The following IL1RAP variants were observed in gnomAD, a reference collection of about 807,000 sequenced individuals.
IL1RAP encodes the protein interleukin-1 receptor accessory protein.
A neutral mutation model predicts 60.7 loss-of-function variants in IL1RAP; 35 were observed. The ratio of observed to expected loss-of-function variants is 0.58; its 90% confidence interval spans 0.44 to 0.76. The LOEUF is 0.76. Ranked by LOEUF, IL1RAP falls within the 30% of genes least tolerant of loss-of-function variation. IL1RAP has a pLI of 0.00. For synonymous variants in IL1RAP, 268 were observed against 250.9 expected (o/e 1.07, Z -0.64); for missense variants, 572 against 693.9 (o/e 0.82, Z 1.97).
intron 3 of IL1RAP, among the ~76,000 whole-genome samples, chr3:190,566,096 C>T (rs569119969): frequency 1.5e-4 from 23 of 151,998 alleles, no homozygotes; most frequent in Admixed American, 2.6e-4. Flanking sequence ...CTTCCTCCTT[C>T]CCTCCCTCTG....
chr3:190,549,580 C>T (rs932882642), intron 1 of IL1RAP, among the ~76,000 whole-genome samples: 3 of 152,110 alleles, frequency 2.0e-5, no homozygotes, highest in Non-Finnish European at 2.9e-5. Flanking sequence ...TGAAACAAGT[C>T]GGGGGTGAGG....
chr3:190,635,215 C>A (rs1455134098), intron 9 of IL1RAP, among the ~76,000 whole-genome samples: 1 of 151,984 alleles, frequency 6.6e-6, no homozygotes, highest in African/African-American at 2.4e-5. Flanking sequence ...TAGTGATGTT[C>A]CACTGTCACT....
chr3:190,553,061 A>G (rs1725004598), intron 1 of IL1RAP, among the ~76,000 whole-genome samples: 1 of 152,220 alleles, frequency 6.6e-6, no homozygotes, highest in South Asian at 2.1e-4. Flanking sequence ...AAAGCAAAAA[A>G]GTCATACAGA....
At chr3:190,655,428 C>A (rs552375117), downstream of IL1RAP, among the ~76,000 whole-genome samples, 163 of 152,198 alleles carry the variant, frequency 1.1e-3, no homozygotes, top group Non-Finnish European at 1.9e-3. Context: ...TTTAAAGACT[C>A]AAGATCTGAC....
intron 3 of IL1RAP, among the ~76,000 whole-genome samples, chr3:190,586,107 G>A (rs1728431902): frequency 6.6e-6 from 1 of 152,176 alleles, no homozygotes; most frequent in African/African-American, 2.4e-5. Flanking sequence ...CTTCTGTGAA[G>A]GCACCGATGA....
intron 9 of IL1RAP, among the ~76,000 whole-genome samples, chr3:190,641,771 G>A (rs1733679966): frequency 6.6e-6 from 1 of 152,102 alleles, no homozygotes; most frequent in African/African-American, 2.4e-5. Flanking sequence ...CAAAATAACT[G>A]AGCAAATAAT....
rs1318724829 is a variant in IL1RAP at position 190,648,565 on chromosome 3, A to C, written c.1573A>C (p.Lys525Gln). Residue 525 changes from lysine to glutamine, a missense_variant, in exon 12 of 12, where the codon AAA (lysine) becomes CAA (glutamine). Physicochemically the swap from Lys to Gln is moderately conservative, Grantham distance 53. Transcript: ENST00000447382. The stretch of plus-strand genomic sequence containing the variant: ...GGCTAAGACGGTGCTCACGGTCATT[A>C]AATGGAAAGGGGAAAAATCCAAGTA... ...KRAKTVLTVI[K>Q]WKGEKSKYPQ... is the part of the protein sequence containing the mutation. 6.2e-7 allele frequency: 1 copy of C among 1,614,200 alleles called. No individual in the cohort carries two copies. The highest frequency in any genetic ancestry group is 1.1e-5 in the South Asian group (1 of 91,090).
intron 4 of IL1RAP, 147 bp downstream of exon 4, chr3:190,604,560 G>A: frequency 1.2e-6 from 1 of 838,382 alleles, no homozygotes; most frequent in South Asian, 1.8e-5. Context: ...TAGCTGAAGG[G>A]GTCTGAAGGA....
In IL1RAP at chr3:190,640,604, C is replaced by A. The variant is rs137875439; in HGVS notation, c.1052-3644C>A. On this transcript the variant is annotated intron_variant, in intron 9 of 11. Transcript: ENST00000447382. ...CTGTGGCAGGGAACACTTGGAGGTG[C>A]AAGCAGCTGGCATTTAGTTGGGACA... Among the ~76,000 whole-genome samples the A allele has an allele frequency of 3.4e-3, 521 of 152,238 alleles. 1 individual carries two copies. Among genetic ancestry groups the A allele is most frequent in the Non-Finnish European group, 5.4e-3 (366 of 68,026 alleles).
chr3:190,601,364 T>C (rs1468682891), intron 3 of IL1RAP, among the ~76,000 whole-genome samples: 1 of 152,258 alleles, frequency 6.6e-6, no homozygotes, highest in Non-Finnish European at 1.5e-5. Context: ...TGTGATACTT[T>C]ATAAAATACA....
At chr3:190,586,541 G>C (rs1378187757) in intron 3 of IL1RAP, among the ~76,000 whole-genome samples, 5 of 152,114 alleles carry the variant, frequency 3.3e-5, no homozygotes, top group Non-Finnish European at 5.9e-5. Context: ...ATAGGAAAAG[G>C]GTGATTTGAT....
chr3:190,634,571 ATG>A, intron 9 of IL1RAP, among the ~76,000 whole-genome samples: 1 of 152,142 alleles, frequency 6.6e-6, no homozygotes, highest in South Asian at 2.1e-4. Context: ...GCTGTGACTA[ATG>A]TGAGGGTTAT....
At chr3:190,541,903 T>A (rs1434011144) in intron 1 of IL1RAP, among the ~76,000 whole-genome samples, 1 of 152,164 alleles carries the variant, frequency 6.6e-6, no homozygotes, top group Non-Finnish European at 1.5e-5. Flanking sequence ...CCCAGGATTT[T>A]AAAGATAAAG....
exon 12 of IL1RAP, chr3:190,657,148 T>C (rs1412727626): frequency 6.6e-6 from 1 of 152,294 alleles, no homozygotes; most frequent in Non-Finnish European, 1.5e-5. Flanking sequence ...ACTAGTGTTC[T>C]CTAAACTGCC....
chr3:190,585,016 G>A (rs561457717), intron 3 of IL1RAP, among the ~76,000 whole-genome samples: 73 of 152,118 alleles, frequency 4.8e-4, no homozygotes, highest in Non-Finnish European at 7.1e-4. Context: ...ATAATGTCCC[G>A]AGTGCCATAG....
intron 3 of IL1RAP, among the ~76,000 whole-genome samples, chr3:190,580,308 A>G (rs1727881436): frequency 6.6e-6 from 1 of 152,074 alleles, no homozygotes; most frequent in Non-Finnish European, 1.5e-5. Context: ...CTCGTGTTCA[A>G]CTCTTATGCT....
intron 10 of IL1RAP, among the ~76,000 whole-genome samples, chr3:190,644,898 G>A (rs1733906679): frequency 1.3e-5 from 2 of 151,960 alleles, no homozygotes; most frequent in Admixed American, 6.6e-5. Flanking sequence ...CGTGACTCGT[G>A]GCTGCTGTAT....
chr3:190,535,780 C>T lies in IL1RAP; in HGVS notation c.-88-20350C>T, dbSNP rs563639775. 2.6e-4 allele frequency among the ~76,000 whole-genome samples: 39 copies of T among 152,276 alleles called. 1 individual carries two copies. In the South Asian group the frequency reaches 6.2e-3, roughly 24 times the overall value. On this transcript the variant is annotated intron_variant, in intron 1 of 11. Transcript: ENST00000447382. The stretch of plus-strand genomic sequence containing the variant: ...CAGATTATTTCCAAAAACCCACTGA[C>T]GTTGGATCAATCATGCTACCTTTGT...
intron 10 of IL1RAP, among the ~76,000 whole-genome samples, chr3:190,645,238 T>A (rs1274410257): frequency 6.6e-6 from 1 of 152,240 alleles, no homozygotes; most frequent in Non-Finnish European, 1.5e-5. Flanking sequence ...TTAAGCAACT[T>A]CGTGAAAGAT....
Sources: gnomAD v4.1 joint callset for allele counts (sites outside exome capture counted in the v4.1 genomes callset) on GRCh38, gnomAD v4.1.1 for gene constraint, MANE v1.5 for transcripts, NCBI Gene and HGNC (gene_info 2026-07-23, HGNC 2026-07-21) for gene names.